PPP2R5C: variants seen among roughly 807,000 people sequenced by gnomAD.
The protein encoded by PPP2R5C is serine/threonine-protein phosphatase 2A 56 kDa regulatory subunit gamma isoform.
Under a neutral mutation model 68.9 loss-of-function variants are expected in PPP2R5C, and 7 were observed. The observed-to-expected ratio is 0.10, with a 90% CI of 0.06 to 0.19. PPP2R5C has a LOEUF of 0.19. Ranked by LOEUF, PPP2R5C falls within the 10% of genes least tolerant of loss-of-function variation. The pLI is 1.00. For synonymous variants in PPP2R5C, 210 were observed against 222.2 expected (o/e 0.95, Z 0.49); for missense variants, 348 against 641.3 (o/e 0.54, Z 4.94).
In PPP2R5C at chr14:101,885,597, C is replaced by T. The variant is rs185771278; in HGVS notation, c.629+2035C>T. ...GACCTGCACACCTGATAGGGCATTT[C>T]GGCGTGAGAGCCTTTGATTTTGCGT... On this transcript the variant is annotated intron_variant, in intron 5 of 13. Transcript: ENST00000334743. 2.5e-3 allele frequency among the ~76,000 whole-genome samples: 386 copies of T among 152,348 alleles called. 6 individuals carry two copies. Among genetic ancestry groups the T allele is most frequent in the East Asian group, 0.016 (83 of 5,182 alleles).
intron 2 of PPP2R5C, among the ~76,000 whole-genome samples, chr14:101,868,061 C>A (rs749449038): frequency 2.6e-5 from 4 of 152,074 alleles, no homozygotes; most frequent in African/African-American, 4.8e-5. Flanking sequence ...CACGTTCCTT[C>A]TTCTATTTTT....
intron 13 of PPP2R5C, among the ~76,000 whole-genome samples, chr14:101,924,574 CTGG>C (rs2047195972): frequency 6.6e-6 from 1 of 151,572 alleles, no homozygotes; most frequent in Non-Finnish European, 1.5e-5. Context: ...TTTCAAGTAG[CTGG>C]GATTACAGGC....
Position 101,901,449 on chromosome 14 carries a change from A to C in PPP2R5C, c.853-270A>C, listed in dbSNP as rs563265065. On this transcript the variant is annotated intron_variant, in intron 8 of 13. Coordinates refer to ENST00000334743, the Ensembl canonical transcript of PPP2R5C. ...CTGAAAGAGGAGGATCACTTGAGCCAAGGAGTTCAAGTCCAGCCTGGACAA... is the reference window on the plus strand; with the variant it reads ...CTGAAAGAGGAGGATCACTTGAGCCCAGGAGTTCAAGTCCAGCCTGGACAA... Among the ~76,000 whole-genome samples, 3 of 152,306 alleles carry C rather than the reference A, an allele frequency of 2.0e-5. No homozygotes were observed. The South Asian group carries it at 6.2e-4, about 32-fold the overall frequency.
intron 2 of PPP2R5C, chr14:101,765,558 G>A (rs2139933398): frequency 1.2e-5 from 3 of 240,626 alleles, no homozygotes; most frequent in South Asian, 9.2e-5. Flanking sequence ...TTCCCATGCT[G>A]CTTTCAAGCC....
At chr14:101,851,658 G>T (rs1320617102) in intron 1 of PPP2R5C, among the ~76,000 whole-genome samples, 1 of 152,048 alleles carries the variant, frequency 6.6e-6, no homozygotes, top group African/African-American at 2.4e-5. Context: ...CTCCATCGGG[G>T]TAATGCTTAT....
intron 8 of PPP2R5C, among the ~76,000 whole-genome samples, chr14:101,896,076 A>G (rs1322942588): frequency 6.6e-6 from 1 of 151,876 alleles, no homozygotes. Context: ...CTGGAGTGCA[A>G]TGGTGCAATC....
chr14:101,791,146 T>G (rs369466078), intron 3 of PPP2R5C, among the ~76,000 whole-genome samples: 1 of 152,172 alleles, frequency 6.6e-6, no homozygotes. Flanking sequence ...GGTTGTACTG[T>G]TTTACATTTC....
chr14:101,845,041 A>G (rs1486444320), intron 1 of PPP2R5C, among the ~76,000 whole-genome samples: 3 of 152,056 alleles, frequency 2.0e-5, no homozygotes, highest in East Asian at 1.9e-4. Context: ...CTAGAGTCCT[A>G]TGTGGGAAAT....
intron 13 of PPP2R5C, among the ~76,000 whole-genome samples, chr14:101,919,004 AT>A (rs1427049518): frequency 6.6e-6 from 1 of 152,140 alleles, no homozygotes; most frequent in African/African-American, 2.4e-5. Flanking sequence ...TGGAGTAGCC[AT>A]TGTTTTACTC....
At chr14:101,892,956 T>C in intron 6 of PPP2R5C, 44 bp from the exon 9 acceptor site, 1 of 1,388,586 alleles carries the variant, frequency 7.2e-7, no homozygotes, top group South Asian at 1.2e-5. Flanking sequence ...GTTTAAAACC[T>C]GGAATTCGTA....
At chr14:101,787,882 T>C (rs1468832517) in intron 3 of PPP2R5C, among the ~76,000 whole-genome samples, 1 of 152,186 alleles carries the variant, frequency 6.6e-6, no homozygotes, top group Non-Finnish European at 1.5e-5. Flanking sequence ...CATTTTTTAT[T>C]ATTAGTCTTC....
At chr14:101,766,319 A>T (rs1164371493) in intron 2 of PPP2R5C, 1 of 152,220 alleles carries the variant, frequency 6.6e-6, no homozygotes, top group African/African-American at 2.4e-5. Flanking sequence ...TGGGGGTTAG[A>T]AAATAAACAT....
Position 101,797,867 on chromosome 14 carries a change from C to T in PPP2R5C, c.259+11684C>T, listed in dbSNP as rs901439674. Among the ~76,000 whole-genome samples the T allele has an allele frequency of 6.6e-6, 1 of 152,056 alleles. No individual in the cohort carries two copies. The highest frequency in any genetic ancestry group is 1.5e-5 in the Non-Finnish European group (1 of 68,006). On this transcript the variant is annotated intron_variant, in intron 3 of 14. Coordinates refer to the PPP2R5C transcript ENST00000328724. This position sits in a 1 kb window ranked among gnomAD's most constrained non-coding sequence, Gnocchi z 4.2. ...GCCCCAGCACTCTGGGTGGATTTCACTTCATCTACTCCACTCACCTACGCT... is the reference window on the plus strand; with the variant it reads ...GCCCCAGCACTCTGGGTGGATTTCATTTCATCTACTCCACTCACCTACGCT...
At chr14:101,810,073 C>T in intron 1 of PPP2R5C, 1 of 1,570,124 alleles carries the variant, frequency 6.4e-7, no homozygotes, top group Non-Finnish European at 8.8e-7. Context: ...CGGAACCTTC[C>T]GTGGGTAGTT....
At position 101,813,960 on chromosome 14, in the gene PPP2R5C, A is replaced by T. The variant is rs77981909; in HGVS notation, c.94+3924A>T. Among the ~76,000 whole-genome samples the T allele has an allele frequency of 7.9e-3, 1,205 of 152,312 alleles. 20 individuals are homozygous for T. Among genetic ancestry groups the T allele is most frequent in the African/African-American group, 0.027 (1,135 of 41,562 alleles). On this transcript the variant is annotated intron_variant, in intron 1 of 13. Transcript: ENST00000334743. ...AAAAACTCATTAAAAAACATGCAAG[A>T]AGCAAGCACAGAACTCAAACCCATG...
chr14:101,772,350 G>A (rs750588409), intron 2 of PPP2R5C, among the ~76,000 whole-genome samples: 3 of 151,984 alleles, frequency 2.0e-5, no homozygotes, highest in South Asian at 4.2e-4. Context: ...ATACCCACAC[G>A]AGAAAGACTC....
At chr14:101,859,140 G>A (rs901064126) in intron 2 of PPP2R5C, among the ~76,000 whole-genome samples, 1 of 152,154 alleles carries the variant, frequency 6.6e-6, no homozygotes, top group African/African-American at 2.4e-5. Context: ...CACGTTTTGG[G>A]GTGAGGAAAT....
intron 8 of PPP2R5C, among the ~76,000 whole-genome samples, chr14:101,900,185 C>A (rs927952698): frequency 6.6e-6 from 1 of 152,160 alleles, no homozygotes; most frequent in Non-Finnish European, 1.5e-5. Flanking sequence ...CCACGCCCAG[C>A]CTTACTTTCC....
chr14:101,858,714 G>A (rs2042581561), intron 2 of PPP2R5C, among the ~76,000 whole-genome samples: 1 of 151,848 alleles, frequency 6.6e-6, no homozygotes, highest in African/African-American at 2.4e-5. Flanking sequence ...TCTATATTAA[G>A]TTTACACGTG....
Sources: gnomAD v4.1 joint callset for allele counts (sites outside exome capture counted in the v4.1 genomes callset) on GRCh38, gnomAD v4.1.1 for gene constraint, Gnocchi (gnomAD v3.1) non-coding constraint, MANE v1.5 for transcripts, NCBI Gene and HGNC (gene_info 2026-07-23, HGNC 2026-07-21) for gene names.